The following TANC1 variants were observed in gnomAD, a reference collection of about 807,000 sequenced individuals.
TANC1 encodes tetratricopeptide repeat, ankyrin repeat and coiled-coil containing 1.
Under a neutral mutation model 149.7 loss-of-function variants are expected in TANC1, and 77 were observed. That is an observed-to-expected ratio of 0.51 (90% CI 0.43 to 0.62). TANC1 has a LOEUF of 0.62. TANC1 is among the 20% of genes least tolerant of loss of function. The pLI is 0.00. For missense variants in TANC1, 1,985 were observed against 2,321.8 expected (o/e 0.85, Z 2.98); for synonymous variants, 854 against 925.0 (o/e 0.92, Z 1.39).
intron 1 of TANC1, among the ~76,000 whole-genome samples, chr2:158,980,655 G>T (rs2034196524): frequency 6.6e-6 from 1 of 151,672 alleles, no homozygotes; most frequent in African/African-American, 2.4e-5. Context: ...GGCACCTGTA[G>T]TCCCAGCTAC....
chr2:159,172,511 A>G (rs938174015), intron 11 of TANC1, among the ~76,000 whole-genome samples: 1 of 152,234 alleles, frequency 6.6e-6, no homozygotes, highest in Non-Finnish European at 1.5e-5. Context: ...AGAGTTCCTC[A>G]AGGCAGCAGA....
chr2:159,139,826 A>AG (rs1417627399), intron 5 of TANC1, among the ~76,000 whole-genome samples: 1 of 152,212 alleles, frequency 6.6e-6, no homozygotes, highest in Non-Finnish European at 1.5e-5. Context: ...ATCTTCTGGG[A>AG]GGAGAGGGTC....
intron 2 of TANC1, among the ~76,000 whole-genome samples, chr2:159,010,765 CTGAA>C (rs1321947578): frequency 1.4e-5 from 2 of 141,972 alleles, no homozygotes; most frequent in South Asian, 4.4e-4. Context: ...AATTTTTTCT[CTGAA>C]TGACCTTAGA....
rs539063651 is a variant in TANC1 at position 159,174,175 on chromosome 2, T to C, written c.1504-778T>C. 9.2e-5 allele frequency among the ~76,000 whole-genome samples: 14 copies of C among 152,328 alleles called. No individual in the cohort carries two copies. In the South Asian group the frequency reaches 2.1e-3, roughly 23 times the overall value. ...CCTTTGGAAAAGTATTGGATTTTTC[T>C]TCTATCTATAGCACGCCTCCCATTC... On this transcript the variant is annotated intron_variant, in intron 11 of 26. Coordinates refer to ENST00000263635, the MANE Select transcript of TANC1 (RefSeq NM_033394.3).
intron 7 of TANC1, among the ~76,000 whole-genome samples, chr2:159,152,999 A>G (rs542031675): frequency 9.9e-5 from 15 of 151,914 alleles, no homozygotes; most frequent in African/African-American, 3.1e-4. Flanking sequence ...CCCCTCTTAC[A>G]TGTTCCCCAT....
chr2:159,187,449 G>A (rs556028548), intron 16 of TANC1, among the ~76,000 whole-genome samples: 28 of 152,278 alleles, frequency 1.8e-4, no homozygotes, highest in Admixed American at 1.1e-3. Flanking sequence ...AACAAACATC[G>A]AGGTTTCATG....
chr2:159,229,963 T>A lies in TANC1; in HGVS notation c.4537T>A (p.Ser1513Thr), dbSNP rs2060251405. The A allele has an allele frequency of 1.2e-6, 2 of 1,613,870 alleles. No individual in the cohort carries two copies. The highest frequency in any genetic ancestry group is 1.7e-6 in the Non-Finnish European group (2 of 1,180,030). The stretch of plus-strand genomic sequence containing the variant: ...ACAGAGCAGGGCAGGAATCGGCAAG[T>A]CCCTGAGAGAGCCTGTGGCCCAGCC... ...SPQSRAGIGK[S>T]LREPVAQPGL... Residue 1513 changes from serine to threonine, a missense_variant, in exon 27 of 27, where the codon TCC (serine) becomes ACC (threonine). This residue lies in a region of TANC1 where 920 missense variants were observed against 994.7 expected (regional missense o/e 0.92). Transcript: ENST00000263635.
At position 158,976,506 on chromosome 2, in the gene TANC1, A is replaced by G. The variant is rs529325393; in HGVS notation, c.-126+7724A>G. ...GCAAAGAAAGTGTAATGATAATGATATAAGTATAAAGGAACAAGAAAATGT... is the reference window on the plus strand; with the variant it reads ...GCAAAGAAAGTGTAATGATAATGATGTAAGTATAAAGGAACAAGAAAATGT... On this transcript the variant is annotated intron_variant, in intron 1 of 26. Coordinates refer to ENST00000263635, the MANE Select transcript of TANC1 (RefSeq NM_033394.3). Among the ~76,000 whole-genome samples, 169 of 152,368 alleles carry G rather than the reference A, an allele frequency of 1.1e-3. 2 individuals carry two copies. In the South Asian group the frequency reaches 0.013, roughly 12 times the overall value.
chr2:159,123,765 A>G (rs16843744), intron 4 of TANC1, among the ~76,000 whole-genome samples: 16,741 of 152,206 alleles, frequency 0.11, 1,355 homozygotes, highest in African/African-American at 0.2. Context: ...TAAACACTGT[A>G]AAGAAGCTAA....
chr2:159,097,868 A>G (rs964830834), intron 4 of TANC1, 34 bp downstream of exon 4: 1 of 1,587,372 alleles, frequency 6.3e-7, no homozygotes, highest in Non-Finnish European at 8.6e-7. Flanking sequence ...CCTTGGTTAT[A>G]TATGTAGTAC....
chr2:159,142,969 A>G (rs566215857), intron 5 of TANC1, among the ~76,000 whole-genome samples: 1 of 150,992 alleles, frequency 6.6e-6, no homozygotes, highest in Non-Finnish European at 1.5e-5. Context: ...AGGCTGAGGC[A>G]GGAGAATTGC....
chr2:158,976,897 A>G (rs2033745716), intron 1 of TANC1, among the ~76,000 whole-genome samples: 2 of 152,100 alleles, frequency 1.3e-5, no homozygotes, highest in East Asian at 1.9e-4. Flanking sequence ...CAACAACAAC[A>G]ACAACAAAAT....
chr2:159,186,197 TG>T (rs1390693334), intron 15 of TANC1, among the ~76,000 whole-genome samples: 1 of 152,252 alleles, frequency 6.6e-6, no homozygotes, highest in Non-Finnish European at 1.5e-5. Flanking sequence ...GGTTCCACTT[TG>T]TTCATTACTT....
chr2:159,107,273 T>C (rs1234138534), intron 4 of TANC1, among the ~76,000 whole-genome samples: 1 of 152,230 alleles, frequency 6.6e-6, no homozygotes, highest in Non-Finnish European at 1.5e-5. Context: ...GTGATTCACC[T>C]GCCTCAGCTT....
rs561435290 is a variant in TANC1, at chr2:159,229,785, C to T, written c.4359C>T (p.His1453=). The T allele has an allele frequency of 2.5e-5, 40 of 1,614,010 alleles. 1 individual carries two copies. Among genetic ancestry groups the T allele is most frequent in the Non-Finnish European group, 3.3e-5 (39 of 1,180,016 alleles). Reference sequence around the variant, plus strand: ...CCCCAACCCCTGGCTTAAGTGACCACTTTCACTCTGAGGAGACTGAAGAGG... The same window carrying T: ...CCCCAACCCCTGGCTTAAGTGACCATTTTCACTCTGAGGAGACTGAAGAGG... ...EDTPTPGLSD[H]FHSEETEEEE... The change falls in exon 27 of 27, where the codon CAC becomes CAT. Residue 1453 remains histidine (H), a synonymous_variant. Transcript: ENST00000263635.
intron 12 of TANC1, among the ~76,000 whole-genome samples, chr2:159,175,657 C>T (rs780479367): frequency 7.2e-5 from 11 of 152,228 alleles, no homozygotes; most frequent in Admixed American, 1.3e-4. Context: ...TAATGGACAT[C>T]AGTGACCTGA....
intron 19 of TANC1, among the ~76,000 whole-genome samples, chr2:159,209,395 A>G (rs972687157): frequency 6.6e-6 from 1 of 152,220 alleles, no homozygotes; most frequent in Non-Finnish European, 1.5e-5. Flanking sequence ...ACGGGAGGAA[A>G]TGCCTAACAA....
At chr2:159,136,419 A>G (rs928795792) in intron 5 of TANC1, 121 bp downstream of exon 5, 5 of 646,746 alleles carry the variant, frequency 7.7e-6, no homozygotes, top group Non-Finnish European at 1.4e-5. Flanking sequence ...TTTGGGAGGT[A>G]TTTTCCCCTC....
At chr2:159,224,488 C>A in intron 23 of TANC1, 124 bp downstream of exon 23, 2 of 1,086,946 alleles carry the variant, frequency 1.8e-6, no homozygotes, top group Non-Finnish European at 2.7e-6. Flanking sequence ...TTGCAGATCT[C>A]TGTCTCAGTC....
Sources: allele counts gnomAD v4.1 joint callset (sites outside exome capture counted in the v4.1 genomes callset), GRCh38; gene constraint gnomAD v4.1.1; regional missense constraint gnomAD v4.1.1; transcripts MANE v1.5; gene names NCBI Gene and HGNC (gene_info 2026-07-23, HGNC 2026-07-21).